Variants in TBL1X observed in about 807,000 individuals in gnomAD.
TBL1X encodes transducin beta like 1 X-linked, also known as F-box-like/WD repeat-containing protein TBL1X.
A neutral mutation model predicts 50.7 loss-of-function variants in TBL1X; 10 were observed. That is an observed-to-expected ratio of 0.20 (90% CI 0.12 to 0.33). The LOEUF is 0.33. TBL1X is among the 10% of genes least tolerant of loss of function. TBL1X has a pLI of 1.00. For synonymous variants in TBL1X, 190 were observed against 214.7 expected (o/e 0.88, Z 1.01); for missense variants, 340 against 504.4 (o/e 0.67, Z 3.12).
At chrX:9,618,657 C>T (rs749930593) in intron 2 of TBL1X, among the ~76,000 whole-genome samples, 17 of 111,856 alleles carry the variant, frequency 1.5e-4, no homozygotes, top group East Asian at 2.8e-4. Flanking sequence ...CCAGCCCGGA[C>T]GACAGAGTGA....
chrX:9,578,296 C>T (rs148292144), intron 2 of TBL1X, among the ~76,000 whole-genome samples: 1,275 of 111,089 alleles, frequency 0.011, 7 homozygotes, highest in South Asian at 0.025. Context: ...AGTGCAGTGG[C>T]GCAATCAAAG....
intron 14 of TBL1X, 63 bp downstream of exon 14, chrX:9,709,385 A>C (rs747630234): frequency 4.8e-5 from 54 of 1,116,803 alleles, no homozygotes; most frequent in Non-Finnish European, 4.3e-5. Flanking sequence ...ACTTGATGCC[A>C]GTCTCACGGT....
At chrX:9,569,408 G>T (rs2082373382) in intron 2 of TBL1X, among the ~76,000 whole-genome samples, 1 of 111,075 alleles carries the variant, frequency 9.0e-6, no homozygotes. Flanking sequence ...GTGTCTGTGT[G>T]GTGTACTGTG....
chrX:9,622,867 C>G (rs538717637), intron 2 of TBL1X, among the ~76,000 whole-genome samples: 10 of 111,893 alleles, frequency 8.9e-5, no homozygotes, highest in Middle Eastern at 4.6e-3. Flanking sequence ...TGTTTATCCA[C>G]TCATCCGTTC....
chrX:9,703,366 G>A (rs1004047346), intron 12 of TBL1X, among the ~76,000 whole-genome samples: 3 of 110,892 alleles, frequency 2.7e-5, no homozygotes, highest in Non-Finnish European at 5.7e-5. Flanking sequence ...CTTCTGTCTC[G>A]GCATCGCATG....
At chrX:9,683,495 C>T (rs188664069) in intron 5 of TBL1X, among the ~76,000 whole-genome samples, 56 of 111,802 alleles carry the variant, frequency 5.0e-4, no homozygotes, top group African/African-American at 1.8e-3. Flanking sequence ...CCAGTCAGTC[C>T]AGGACGGCCT....
At chrX:9,596,303 T>G (rs1344674439) in intron 2 of TBL1X, among the ~76,000 whole-genome samples, 1 of 112,043 alleles carries the variant, frequency 8.9e-6, no homozygotes, top group African/African-American at 3.2e-5. Flanking sequence ...AAATAAATGT[T>G]TGTAATTGTT....
At chrX:9,629,865 G>A (rs976094976) in intron 2 of TBL1X, among the ~76,000 whole-genome samples, 1 of 110,655 alleles carries the variant, frequency 9.0e-6, no homozygotes, top group African/African-American at 3.3e-5. Context: ...ATCGCTGATC[G>A]CCGGTTGTAT....
At chrX:9,643,755 A>G (rs966422922) in intron 3 of TBL1X, among the ~76,000 whole-genome samples, 1 of 111,725 alleles carries the variant, frequency 9.0e-6, no homozygotes, top group Admixed American at 9.5e-5. Context: ...CAACTGCTCA[A>G]GAGGTTGAGG....
chrX:9,531,029 G>C (rs1050821757), intron 2 of TBL1X: 4 of 111,789 alleles, frequency 3.6e-5, no homozygotes, highest in African/African-American at 1.3e-4. Flanking sequence ...GCTTGTGCCG[G>C]GTGCATTGCA....
chrX:9,467,084 T>A (rs983003710), intron 1 of TBL1X, among the ~76,000 whole-genome samples: 7 of 112,675 alleles, frequency 6.2e-5, no homozygotes, highest in African/African-American at 2.3e-4. Flanking sequence ...AATAACTTTA[T>A]TGTAGACATA....
At chrX:9,706,097 G>T (rs1402042686) in intron 13 of TBL1X, among the ~76,000 whole-genome samples, 1 of 111,431 alleles carries the variant, frequency 9.0e-6, no homozygotes, top group East Asian at 2.8e-4. Flanking sequence ...CTGCCCCCAT[G>T]ATCCGGACAC....
rs944717174 is a variant in TBL1X, at chrX:9,465,195, A to G, written c.-453A>G. 8.4e-5 allele frequency: 9 copies of G among 107,109 alleles called. No individual in the cohort carries two copies. The highest frequency in any genetic ancestry group is 2.7e-4 in the African/African-American group (8 of 29,460). The allele number at this position is 107,109 out of a possible 1,213,427, so 8.8% of individuals were successfully genotyped here. A position where few individuals can be genotyped will look rare whatever the true frequency, so the allele number is the denominator to read the frequency against. Reference sequence around the variant, plus strand: ...CCGCGCTTGGGAGCGAGGAGCCGCCAGCGCCCCCGCCCCGCCGCCGCCGCA... The same window carrying G: ...CCGCGCTTGGGAGCGAGGAGCCGCCGGCGCCCCCGCCCCGCCGCCGCCGCA... On this transcript the variant is annotated 5_prime_UTR_variant, in exon 1 of 18. Transcript: ENST00000645353.
rs745877909 is a variant in TBL1X at position 9,703,487 on chromosome X, C to T, written c.1115-1506C>T. Reference sequence around the variant, plus strand: ...AAAGAGACCGGAGACCTGAGCACAGCGCCCTTCCTGGCCCCTAGGAAGGCG... The same window carrying T: ...AAAGAGACCGGAGACCTGAGCACAGTGCCCTTCCTGGCCCCTAGGAAGGCG... On this transcript the variant is annotated intron_variant, in intron 12 of 17. Coordinates refer to ENST00000645353, the MANE Select transcript of TBL1X (RefSeq NM_005647.4). Among the ~76,000 whole-genome samples the T allele has an allele frequency of 2.1e-4, 23 of 111,688 alleles. 1 individual carries two copies. The highest frequency in any genetic ancestry group is 3.6e-4 in the Non-Finnish European group (19 of 53,014).
At chrX:9,472,924 C>T (rs845442) in intron 1 of TBL1X, among the ~76,000 whole-genome samples, 1,911 of 106,833 alleles carry the variant, frequency 0.018, 45 homozygotes, top group African/African-American at 0.061. Flanking sequence ...AAAAAAAAAA[C>T]AATAATTTTA....
intron 2 of TBL1X, among the ~76,000 whole-genome samples, chrX:9,635,751 G>A (rs746687436): frequency 8.9e-6 from 1 of 112,186 alleles, no homozygotes. Context: ...GCTCTCTCCA[G>A]CTTGGCCTCC....
At chrX:9,569,595 G>A (rs1374784727) in intron 2 of TBL1X, among the ~76,000 whole-genome samples, 1 of 112,018 alleles carries the variant, frequency 8.9e-6, no homozygotes, top group Non-Finnish European at 1.9e-5. Context: ...GAGCCCAGGA[G>A]TTGGAGGCTG....
At chrX:9,566,166 C>T (rs943440303) in intron 2 of TBL1X, among the ~76,000 whole-genome samples, 3 of 111,740 alleles carry the variant, frequency 2.7e-5, no homozygotes, top group African/African-American at 9.8e-5. Flanking sequence ...AAATAATTCT[C>T]TTTGTTAAGA....
intron 2 of TBL1X, among the ~76,000 whole-genome samples, chrX:9,553,014 G>A (rs2082278177): frequency 9.0e-6 from 1 of 111,205 alleles, no homozygotes; most frequent in African/African-American, 3.3e-5. Flanking sequence ...ATGGTGGCAC[G>A]TGCCTGTAGT....
Sources: gnomAD v4.1 joint callset for allele counts (sites outside exome capture counted in the v4.1 genomes callset) on GRCh38, gnomAD v4.1.1 for gene constraint, MANE v1.5 for transcripts, NCBI Gene and HGNC (gene_info 2026-07-23, HGNC 2026-07-21) for gene names.